RAB19: variants seen among roughly 807,000 people sequenced by gnomAD.
RAB19 encodes the protein ras-related protein Rab-19.
A neutral mutation model predicts 17.3 loss-of-function variants in RAB19; 21 were observed. The ratio of observed to expected loss-of-function variants is 1.21; its 90% CI spans 0.86 to 1.74. The LOEUF is 1.74. Among genes scored for constraint, RAB19 ranks in the 40% most tolerant of loss-of-function variants. The pLI, the probability that RAB19 is intolerant of heterozygous loss-of-function variation, is 0.00. For synonymous variants in RAB19, 126 were observed against 110.4 expected, an observed-to-expected ratio of 1.14 and a Z score of -0.88; for missense variants, 277 against 286.8, an observed-to-expected ratio of 0.97 and a Z score of 0.25.
intron 2 of RAB19, among the ~76,000 whole-genome samples, chr7:140,408,160 C>A (rs1360379873): frequency 2.0e-5 from 3 of 151,726 alleles, no homozygotes; most frequent in African/African-American, 7.3e-5. Flanking sequence ...TGCTGGGTTA[C>A]AGGTGTGAGC....
intron 3 of RAB19, among the ~76,000 whole-genome samples, chr7:140,417,100 G>T (rs1403777483): frequency 1.3e-5 from 2 of 151,610 alleles, no homozygotes; most frequent in African/African-American, 4.8e-5. Context: ...GCCAGGTGTG[G>T]TGGTGAGTGC....
At chr7:140,419,793 A>G (rs1799525260) in intron 3 of RAB19, among the ~76,000 whole-genome samples, 2 of 152,166 alleles carry the variant, frequency 1.3e-5, no homozygotes, top group Non-Finnish European at 2.9e-5. Context: ...CCTCACCAAC[A>G]TCTGGTGCTA....
intron 3 of RAB19, among the ~76,000 whole-genome samples, chr7:140,413,180 T>A (rs1799397801): frequency 6.6e-6 from 1 of 152,174 alleles, no homozygotes; most frequent in Non-Finnish European, 1.5e-5. Flanking sequence ...TTGTCGAAAA[T>A]GACTTTACTG....
chr7:140,411,183 AG>A (rs1222778511), intron 2 of RAB19: 1 of 1,214,398 alleles, frequency 8.2e-7, no homozygotes, highest in Non-Finnish European at 1.1e-6. Context: ...GCAGATCACA[AG>A]GTCAGGAGAT....
At chr7:140,413,713 A>G (rs1407136764) in intron 3 of RAB19, among the ~76,000 whole-genome samples, 1 of 152,068 alleles carries the variant, frequency 6.6e-6, no homozygotes. Context: ...TAAAAAATAA[A>G]TAAATAAATA....
At chr7:140,404,665 AAACGG>A (rs1289013572) in intron 1 of RAB19, among the ~76,000 whole-genome samples, 1 of 152,156 alleles carries the variant, frequency 6.6e-6, no homozygotes, top group Admixed American at 6.5e-5. Flanking sequence ...AACCAAAGTA[AAACGG>A]AGAGGTGAAG....
intron 1 of RAB19, among the ~76,000 whole-genome samples, chr7:140,406,185 G>A (rs1799237653): frequency 7.0e-6 from 1 of 142,150 alleles, no homozygotes; most frequent in Admixed American, 7.4e-5. Context: ...GGAGGTTGCA[G>A]TGCAGTGAGC....
rs981894686 is a variant in RAB19, at chr7:140,427,608, C to T, written c.*1458C>T. On this transcript the variant is annotated 3_prime_UTR_variant, in exon 4 of 4. Transcript: ENST00000537763. Reference sequence around the variant, plus strand: ...CTGGGATTACAGCCTCCCGCCACCACGCCTAGCTAATTTTTGTGTTTTTAG... The same window carrying T: ...CTGGGATTACAGCCTCCCGCCACCATGCCTAGCTAATTTTTGTGTTTTTAG... 1.3e-5 allele frequency among the ~76,000 whole-genome samples: 2 copies of T among 151,496 alleles called. No homozygotes were observed. The highest frequency in any genetic ancestry group is 2.4e-5 in the African/African-American group (1 of 41,192).
intron 2 of RAB19, among the ~76,000 whole-genome samples, chr7:140,409,039 C>T (rs1400656937): frequency 3.3e-5 from 5 of 152,168 alleles, no homozygotes; most frequent in Admixed American, 2.6e-4. Flanking sequence ...GGATTACAGG[C>T]GTGAGCCACC....
intron 3 of RAB19, among the ~76,000 whole-genome samples, chr7:140,421,165 A>T (rs570752471): frequency 1.3e-5 from 2 of 152,006 alleles, no homozygotes; most frequent in Non-Finnish European, 2.9e-5. Context: ...TGCTGGGGTT[A>T]CAGGCATGAG....
rs187256427 is a variant in RAB19 at position 140,409,496 on chromosome 7, A to C, written c.201+1649A>C. 1.5e-3 allele frequency among the ~76,000 whole-genome samples: 228 copies of C among 151,650 alleles called. 1 individual carries two copies. The East Asian group carries it at 0.026, about 17-fold the overall frequency. On this transcript the variant is annotated intron_variant, in intron 2 of 3. Coordinates refer to ENST00000537763, the MANE Select transcript of RAB19 (RefSeq NM_001008749.3). ...GATCACCCAAGGTCAGGAGTTCAAG[A>C]CCAGCCTGGCCAACGGGGGGAAACC...
intron 1 of RAB19, 97 bp from the exon 2 acceptor site, chr7:140,407,527 C>A (rs1799265481): frequency 4.9e-6 from 4 of 822,924 alleles, no homozygotes; most frequent in South Asian, 4.8e-5. Context: ...ATCGTCCTCT[C>A]ACAAGGATGT....
intron 3 of RAB19, among the ~76,000 whole-genome samples, chr7:140,424,306 C>T (rs968511025): frequency 4.0e-5 from 6 of 151,604 alleles, no homozygotes; most frequent in Non-Finnish European, 8.8e-5. Context: ...TACAGGCATG[C>T]ACCACCACAC....
chr7:140,415,081 CTT>C (rs201147147), intron 3 of RAB19, among the ~76,000 whole-genome samples: 3 of 144,022 alleles, frequency 2.1e-5, no homozygotes, highest in African/African-American at 5.1e-5. Flanking sequence ...CTTTTCTTTT[CTT>C]TTTTTTTTTG....
Position 140,426,017 on chromosome 7 carries a change from T to C in RAB19, c.521T>C (p.Leu174Pro), listed in dbSNP as rs1203247207. The change falls in exon 4 of 4, where the codon CTC becomes CCC. Residue 174 changes from leucine to proline, a missense_variant. Transcript: ENST00000537763. ...AAGAACATAGAAGAAGTCTTCGTGC[T>C]CATGGCCAAGGAGCTGATCGCGCGC... The part of the protein sequence containing the change: ...ESKNIEEVFV[L>P]MAKELIARNS... The C allele has an allele frequency of 8.1e-6, 13 of 1,614,032 alleles. No individual in the cohort carries two copies. The highest frequency in any genetic ancestry group is 2.7e-5 in the African/African-American group (2 of 74,914).
intron 2 of RAB19, among the ~76,000 whole-genome samples, chr7:140,411,486 G>C (rs1460325647): frequency 6.7e-6 from 1 of 149,974 alleles, no homozygotes; most frequent in Admixed American, 6.7e-5. Context: ...GTTGGAAGAA[G>C]AATTGTCTTG....
chr7:140,415,982 G>A (rs1799450472), intron 3 of RAB19, among the ~76,000 whole-genome samples: 1 of 151,982 alleles, frequency 6.6e-6, no homozygotes, highest in Admixed American at 6.6e-5. Flanking sequence ...GAGGTGGGGG[G>A]TTGCTTAAGG....
Position 140,427,016 on chromosome 7 carries a change from A to AT in RAB19, c.*872dup, listed in dbSNP as rs1001411305. 1.4e-5 allele frequency among the ~76,000 whole-genome samples: 2 copies of AT among 148,044 alleles called. No individual in the cohort carries two copies. The highest frequency in any genetic ancestry group is 2.5e-5 in the African/African-American group (1 of 40,052). ...GCCACCACTCCTGGCTAATTTTTGT[A>AT]TTTTTTGTAGAGACAAGGTTTCACC... On this transcript the variant is annotated 3_prime_UTR_variant, in exon 4 of 4. Coordinates refer to ENST00000537763, the MANE Select transcript of RAB19 (RefSeq NM_001008749.3).
chr7:140,404,929 T>C (rs1181994087), intron 1 of RAB19, among the ~76,000 whole-genome samples: 3 of 152,182 alleles, frequency 2.0e-5, no homozygotes. Flanking sequence ...GCTAGACAGA[T>C]GGAAACCTCA....
Sources: gnomAD v4.1 joint callset for allele counts (sites outside exome capture counted in the v4.1 genomes callset) on GRCh38, gnomAD v4.1.1 for gene constraint, MANE v1.5 for transcripts, NCBI Gene and HGNC (gene_info 2026-07-23, HGNC 2026-07-21) for gene names.